The following FBXL2 variants were observed in gnomAD, a reference collection of about 807,000 sequenced individuals.
The protein encoded by FBXL2 is F-box and leucine rich repeat protein 2, also known as F-box/LRR-repeat protein 2.
In FBXL2, 38 loss-of-function variants were observed where a neutral mutation model predicts 69.2. The observed-to-expected ratio is 0.55, with a 90% confidence interval of 0.42 to 0.72. FBXL2 has a LOEUF of 0.72. Among genes scored for constraint, FBXL2 ranks in the 30% least tolerant of loss-of-function variants. The pLI is 0.00. For synonymous variants in FBXL2, 192 were observed against 201.3 expected (o/e 0.95, Z 0.39); for missense variants, 354 against 520.3 (o/e 0.68, Z 3.11).
chr3:33,414,994 CTTAAT>C, the FBXL2 span, among the ~76,000 whole-genome samples: 71 of 152,170 alleles, frequency 4.7e-4, no homozygotes, highest in Middle Eastern at 6.8e-3. Context: ...TCATTTTTCC[CTTAAT>C]TTATTTGCTT....
intron 12 of FBXL2, among the ~76,000 whole-genome samples, chr3:33,399,158 G>A (rs558887377): frequency 2.6e-5 from 4 of 152,342 alleles, no homozygotes; most frequent in African/African-American, 9.6e-5. Flanking sequence ...CACTGCAGGT[G>A]AAGGAATGCT....
intron 2 of FBXL2, among the ~76,000 whole-genome samples, chr3:33,349,126 T>C (rs1353437819): frequency 6.6e-6 from 1 of 152,140 alleles, no homozygotes; most frequent in Non-Finnish European, 1.5e-5. Flanking sequence ...TATCTGTTGC[T>C]CTAGCTAGGA....
intron 14 of FBXL2, among the ~76,000 whole-genome samples, chr3:33,385,078 T>G (rs1344122536): frequency 3.3e-5 from 5 of 152,178 alleles, no homozygotes; most frequent in Non-Finnish European, 7.4e-5. Flanking sequence ...AAGGTCATTA[T>G]GAGTGGGAGG....
rs368354903 is a variant in FBXL2 at position 33,365,721 on chromosome 3, CCAAACAAA to C, written c.290+1028_290+1035del. On this transcript the variant is annotated intron_variant, in intron 5 of 14. Transcript: ENST00000484457. ...TGGGCAGCAAAATGAGACTCTTCGA[CCAAACAAA>C]CAAACAAACAAACAAACAAACAAAC... Among the ~76,000 whole-genome samples, 33 of 138,106 alleles carry C rather than the reference CCAAACAAA, an allele frequency of 2.4e-4. 1 individual carries two copies. Among genetic ancestry groups the C allele is most frequent in the African/African-American group, 3.6e-4 (13 of 35,886 alleles). The allele number at this position is 138,106 out of a possible 152,430, so 90.6% of individuals were successfully genotyped here.
chr3:33,358,568 G>T (rs2041383149), intron 2 of FBXL2, among the ~76,000 whole-genome samples: 1 of 152,128 alleles, frequency 6.6e-6, no homozygotes, highest in Admixed American at 6.5e-5. Flanking sequence ...AACCAAATGG[G>T]CTTTGTCATC....
intron 5 of FBXL2, among the ~76,000 whole-genome samples, chr3:33,366,797 T>C (rs2154044557): frequency 6.6e-6 from 1 of 152,152 alleles, no homozygotes; most frequent in South Asian, 2.1e-4. Context: ...ACCCTGTCTC[T>C]ACTAAAAATA....
chr3:33,417,393 G>C, the FBXL2 span, among the ~76,000 whole-genome samples: 2 of 151,886 alleles, frequency 1.3e-5, no homozygotes, highest in Non-Finnish European at 2.9e-5. Flanking sequence ...ACAATATGTG[G>C]GTATTTGTGC....
Position 33,277,488 on chromosome 3 carries a change from T to C in FBXL2, c.-25T>C, listed in dbSNP as rs2125650445. On this transcript the variant is annotated 5_prime_UTR_variant, in exon 1 of 15. Coordinates refer to ENST00000484457, the MANE Select transcript of FBXL2 (RefSeq NM_012157.5). ...GCCGGCGCCGTGTGACTTCGGGCTG[T>C]GGGCTCGCTCGCGGCTCTTCGGCCA... 7.7e-7 allele frequency: 1 copy of C among 1,294,336 alleles called. No individual in the cohort carries two copies. The allele number at this position is 1,294,336 out of a possible 1,614,324, so 80.2% of individuals were successfully genotyped here. A position where few individuals can be genotyped will look rare whatever the true frequency, so the allele number is the denominator to read the frequency against.
At chr3:33,395,169 A>G (rs2043925460) in intron 12 of FBXL2, among the ~76,000 whole-genome samples, 1 of 152,208 alleles carries the variant, frequency 6.6e-6, no homozygotes, top group Non-Finnish European at 1.5e-5. Context: ...CTTAATCTCA[A>G]AATTCAGAGC....
At chr3:33,294,923 A>G (rs955536836) in intron 1 of FBXL2, among the ~76,000 whole-genome samples, 1 of 152,146 alleles carries the variant, frequency 6.6e-6, no homozygotes, top group Non-Finnish European at 1.5e-5. Flanking sequence ...GCTATTTAAC[A>G]TAGTGCTCAC....
chr3:33,317,367 T>C (rs1332688406), intron 2 of FBXL2: 1 of 425,570 alleles, frequency 2.3e-6, no homozygotes, highest in Non-Finnish European at 4.7e-6. Context: ...TGCATCCAAT[T>C]CATAGTTCAG....
chr3:33,400,202 G>A (rs1489625308), intron 12 of FBXL2: 1 of 1,591,786 alleles, frequency 6.3e-7, no homozygotes, highest in Middle Eastern at 1.7e-4. Context: ...AAAAATTAGA[G>A]AACAGTCTTG....
At chr3:33,317,538 C>A (rs2037817001) in intron 2 of FBXL2, 1 of 456,266 alleles carries the variant, frequency 2.2e-6, no homozygotes, top group African/African-American at 2.0e-5. Context: ...ATGGAAGACA[C>A]ACATCATTGT....
chr3:33,364,565 C>T, intron 4 of FBXL2, 60 bp from the exon 5 acceptor site: 2 of 1,387,822 alleles, frequency 1.4e-6, no homozygotes, highest in Non-Finnish European at 2.0e-6. Context: ...GGTTATTTTG[C>T]TGTTAGATAA....
At chr3:33,305,404 C>CGATA (rs2036625741) in intron 2 of FBXL2, among the ~76,000 whole-genome samples, 1 of 151,892 alleles carries the variant, frequency 6.6e-6, no homozygotes, top group Non-Finnish European at 1.5e-5. Context: ...TGCCCTATCA[C>CGATA]CTCTGTCATG....
chr3:33,411,303 G>T, the FBXL2 span, among the ~76,000 whole-genome samples: 2 of 152,088 alleles, frequency 1.3e-5, no homozygotes, highest in Non-Finnish European at 2.9e-5. Context: ...GTGTTCAAGA[G>T]AAATACATCT....
chr3:33,371,635 G>A (rs1055568820), intron 5 of FBXL2, among the ~76,000 whole-genome samples: 2 of 151,926 alleles, frequency 1.3e-5, no homozygotes, highest in Non-Finnish European at 2.9e-5. Flanking sequence ...AGGTTTTGGT[G>A]GATTACCTTT....
At chr3:33,302,712 G>A (rs1384392432) in intron 2 of FBXL2, among the ~76,000 whole-genome samples, 2 of 152,086 alleles carry the variant, frequency 1.3e-5, no homozygotes, top group Non-Finnish European at 2.9e-5. Context: ...TTTTAAATTT[G>A]TGTGGATACA....
chr3:33,408,382 A>C (rs1382883363), downstream of FBXL2, among the ~76,000 whole-genome samples: 2 of 152,240 alleles, frequency 1.3e-5, no homozygotes, highest in African/African-American at 2.4e-5. Context: ...GTGTGTGTGA[A>C]GGAGAGAGGG....
Sources: allele counts gnomAD v4.1 joint callset (sites outside exome capture counted in the v4.1 genomes callset), GRCh38; gene constraint gnomAD v4.1.1; transcripts MANE v1.5; gene names NCBI Gene and HGNC (gene_info 2026-07-23, HGNC 2026-07-21).